Variants in PTPRD observed in about 807,000 individuals in gnomAD.
The protein encoded by PTPRD is protein tyrosine phosphatase receptor type D.
In PTPRD, 34 loss-of-function variants were observed where a neutral mutation model predicts 214.5. The observed-to-expected ratio is 0.16, with a 90% confidence interval of 0.12 to 0.21. The LOEUF (loss-of-function observed/expected upper bound fraction) is 0.21. Ranked by LOEUF, PTPRD falls within the 10% of genes least tolerant of loss-of-function variation. The pLI is 1.00. For synonymous variants in PTPRD, 1,128 were observed against 845.7 expected (o/e 1.33, Z -5.79); for missense variants, 2,545 against 2,398.7 (o/e 1.06, Z -1.27).
intron 5 of PTPRD, among the ~76,000 whole-genome samples, chr9:9,836,538 T>G (rs554251764): frequency 1.3e-5 from 2 of 152,170 alleles, no homozygotes; most frequent in South Asian, 4.2e-4. Context: ...AGCATTCTAG[T>G]TTATGGGGTG....
intron 9 of PTPRD, among the ~76,000 whole-genome samples, chr9:9,210,505 CT>C (rs1381882865): frequency 6.6e-6 from 1 of 152,062 alleles, no homozygotes; most frequent in Non-Finnish European, 1.5e-5. Flanking sequence ...AAAAACATAA[CT>C]TTTGAACTTT....
At chr9:9,737,225 T>A (rs913059855) in intron 6 of PTPRD, among the ~76,000 whole-genome samples, 1 of 152,140 alleles carries the variant, frequency 6.6e-6, no homozygotes, top group Non-Finnish European at 1.5e-5. Flanking sequence ...TTCTAGACAT[T>A]TGTGTGTTCC....
chr9:9,149,307 C>G (rs990591276), intron 10 of PTPRD, among the ~76,000 whole-genome samples: 1 of 152,142 alleles, frequency 6.6e-6, no homozygotes, highest in Non-Finnish European at 1.5e-5. Context: ...AAAGTGTTAG[C>G]TATTGTTATT....
In PTPRD at chr9:9,519,383, G is replaced by T. The variant is rs62533255; in HGVS notation, c.-237+55349C>A. 7.8e-3 allele frequency among the ~76,000 whole-genome samples: 1,185 copies of T among 151,678 alleles called. 3 individuals are homozygous for T. Among genetic ancestry groups the T allele is most frequent in the South Asian group, 0.013 (62 of 4,812 alleles). ...AATGAAACAAAAAAAACCAGAGAGA[G>T]AAAGAATCAACAGTTACAGGTTGAT... On this transcript the variant is annotated intron_variant, in intron 8 of 45. Transcript: ENST00000381196.
At chr9:9,658,042 T>TC (rs1211425505) in intron 7 of PTPRD, among the ~76,000 whole-genome samples, 1 of 152,232 alleles carries the variant, frequency 6.6e-6, no homozygotes, top group Non-Finnish European at 1.5e-5. Context: ...CCTCCATATG[T>TC]CTTCCAGCGG....
intron 10 of PTPRD, among the ~76,000 whole-genome samples, chr9:9,117,532 G>C (rs1213166327): frequency 6.6e-6 from 1 of 152,108 alleles, no homozygotes; most frequent in Non-Finnish European, 1.5e-5. Context: ...CACTCCAAAT[G>C]TAAAGTTGGT....
intron 11 of PTPRD, among the ~76,000 whole-genome samples, chr9:8,800,293 G>C (rs1482031662): frequency 6.6e-6 from 1 of 152,070 alleles, no homozygotes; most frequent in African/African-American, 2.4e-5. Flanking sequence ...CATTCTGTCA[G>C]AGGCATGTGA....
At chr9:10,025,467 A>G (rs920595159) in intron 4 of PTPRD, among the ~76,000 whole-genome samples, 2 of 151,942 alleles carry the variant, frequency 1.3e-5, no homozygotes, top group African/African-American at 4.8e-5. Flanking sequence ...GTAGATGTAC[A>G]TAACCATAAT....
intron 2 of PTPRD, among the ~76,000 whole-genome samples, chr9:10,416,632 T>C (rs183044449): frequency 4.6e-5 from 7 of 151,778 alleles, no homozygotes; most frequent in African/African-American, 7.3e-5. Context: ...AAAACAACTG[T>C]TGGTATGGCA....
chr9:8,534,713 A>T (rs918945368), intron 14 of PTPRD, among the ~76,000 whole-genome samples: 6 of 151,756 alleles, frequency 4.0e-5, no homozygotes, highest in African/African-American at 1.2e-4. Context: ...CGTGTCAGAG[A>T]ATCAGTAGTG....
rs72696605 is a variant in PTPRD, at chr9:8,542,972, G to A, written c.353-14193C>T. Among the ~76,000 whole-genome samples, 531 of 152,254 alleles carry A rather than the reference G, an allele frequency of 3.5e-3. 1 individual carries two copies. Among genetic ancestry groups the A allele is most frequent in the African/African-American group, 4.5e-3 (185 of 41,568 alleles). ...GGTAGTTTCTCCCTAGCCAGAAAAG[G>A]AATTCACAAAATATTAGAGTATGAC... On this transcript the variant is annotated intron_variant, in intron 14 of 45. Coordinates refer to ENST00000381196, the MANE Select transcript of PTPRD (RefSeq NM_002839.4).
chr9:10,560,361 T>G (rs4323516), intron 2 of PTPRD, among the ~76,000 whole-genome samples: 123,945 of 150,758 alleles, frequency 0.82, 51,083 homozygotes, highest in East Asian at 0.96. Context: ...TGAACAATGA[T>G]AACACATGGA....
intron 37 of PTPRD, among the ~76,000 whole-genome samples, chr9:8,378,827 A>C (rs1350362436): frequency 6.6e-6 from 1 of 152,120 alleles, no homozygotes; most frequent in South Asian, 2.1e-4. Flanking sequence ...GAGATGAAGG[A>C]AAGAATGAGA....
At chr9:8,988,069 A>G (rs566346738) in intron 11 of PTPRD, among the ~76,000 whole-genome samples, 1 of 152,158 alleles carries the variant, frequency 6.6e-6, no homozygotes, top group South Asian at 2.1e-4. Context: ...GAGAGAGATT[A>G]GAAATGTAGA....
intron 6 of PTPRD, among the ~76,000 whole-genome samples, chr9:9,748,633 G>C (rs983016267): frequency 2.6e-5 from 4 of 152,172 alleles, no homozygotes; most frequent in African/African-American, 9.6e-5. Context: ...ATGACTGATA[G>C]CTGCTGAAGT....
intron 2 of PTPRD, among the ~76,000 whole-genome samples, chr9:10,592,339 T>G (rs1480312237): frequency 6.6e-6 from 1 of 152,030 alleles, no homozygotes; most frequent in African/African-American, 2.4e-5. Context: ...TGGGTAAACT[T>G]ACTCATTATT....
At chr9:9,257,497 A>G (rs1278270762) in intron 9 of PTPRD, among the ~76,000 whole-genome samples, 1 of 151,922 alleles carries the variant, frequency 6.6e-6, no homozygotes, top group Non-Finnish European at 1.5e-5. Context: ...TTTATATATG[A>G]TATTTAAAAA....
At chr9:9,704,214 C>A (rs2097554655) in intron 7 of PTPRD, among the ~76,000 whole-genome samples, 1 of 152,068 alleles carries the variant, frequency 6.6e-6, no homozygotes, top group Admixed American at 6.6e-5. Flanking sequence ...TTTTAACGAA[C>A]TATTGTCTGT....
chr9:10,050,712 C>T (rs1567327052), intron 3 of PTPRD, among the ~76,000 whole-genome samples: 1 of 150,652 alleles, frequency 6.6e-6, no homozygotes, highest in Admixed American at 6.6e-5. Context: ...AATAAACCAA[C>T]AATAAGACAA....
Sources: allele counts gnomAD v4.1 joint callset (sites outside exome capture counted in the v4.1 genomes callset), GRCh38; gene constraint gnomAD v4.1.1; transcripts MANE v1.5; gene names NCBI Gene and HGNC (gene_info 2026-07-23, HGNC 2026-07-21).